The following IL34 variants were observed in gnomAD, a reference collection of about 807,000 sequenced individuals.
IL34 encodes the protein interleukin-34.
IL34 carries 17 observed loss-of-function variants against 25.3 expected under a neutral mutation model. That is an observed-to-expected ratio of 0.67 (90% CI 0.46 to 1.01). IL34 has a LOEUF of 1.01. IL34 is among the 50% of genes least tolerant of loss of function. The pLI, the probability that IL34 is intolerant of heterozygous loss-of-function variation, is 0.00. For missense variants in IL34, 368 were observed against 312.9 expected, an observed-to-expected ratio of 1.18 and a Z score of -1.33; for synonymous variants, 174 against 140.9, an observed-to-expected ratio of 1.23 and a Z score of -1.66.
At chr16:70,647,891 G>T (rs752501616) in intron 1 of IL34, among the ~76,000 whole-genome samples, 3 of 152,236 alleles carry the variant, frequency 2.0e-5, no homozygotes, top group Admixed American at 6.5e-5. Flanking sequence ...AGAAGCAGGG[G>T]TGCAGCATGG....
intron 1 of IL34, among the ~76,000 whole-genome samples, chr16:70,652,042 G>A (rs1030824469): frequency 6.6e-6 from 1 of 151,378 alleles, no homozygotes; most frequent in Non-Finnish European, 1.5e-5. Context: ...GCAGGAGAAT[G>A]GCATGAGCCC....
chr16:70,628,786 CTTT>C (rs71387533), intron 1 of IL34, among the ~76,000 whole-genome samples: 4 of 115,152 alleles, frequency 3.5e-5, no homozygotes, highest in Middle Eastern at 5.4e-3. Flanking sequence ...CACACCTGGT[CTTT>C]TTTTTTTTTT....
chr16:70,610,236 G>C (rs1473662357), intron 1 of IL34, among the ~76,000 whole-genome samples: 1 of 151,518 alleles, frequency 6.6e-6, no homozygotes, highest in East Asian at 1.9e-4. Context: ...GTTTTTCCAA[G>C]GTAGGAGCTG....
chr16:70,636,401 A>G (rs2051645840), intron 1 of IL34, among the ~76,000 whole-genome samples: 1 of 152,166 alleles, frequency 6.6e-6, no homozygotes, highest in South Asian at 2.1e-4. Flanking sequence ...ACTTAACCAC[A>G]TTTATTTAAA....
chr16:70,641,738 TG>T (rs1324196439), upstream of IL34, among the ~76,000 whole-genome samples: 1 of 151,936 alleles, frequency 6.6e-6, no homozygotes, highest in Non-Finnish European at 1.5e-5. Flanking sequence ...GGCTAATTTT[TG>T]TATTTTTTGT....
intron 1 of IL34, among the ~76,000 whole-genome samples, chr16:70,602,583 A>G (rs1488885551): frequency 5.2e-5 from 7 of 135,052 alleles, no homozygotes; most frequent in East Asian, 4.6e-4. Flanking sequence ...TTTGGAATTG[A>G]TGTGTGTGTG....
chr16:70,631,442 T>G (rs2051515458), intron 1 of IL34, among the ~76,000 whole-genome samples: 1 of 152,236 alleles, frequency 6.6e-6, no homozygotes, highest in African/African-American at 2.4e-5. Context: ...ATTCTTGTTT[T>G]TATTAACTTT....
At chr16:70,596,246 ACCT>A (rs1197330666) in intron 1 of IL34, among the ~76,000 whole-genome samples, 1 of 152,064 alleles carries the variant, frequency 6.6e-6, no homozygotes, top group African/African-American at 2.4e-5. Context: ...CACCATCACG[ACCT>A]CATCATCTTC....
At chr16:70,599,697 C>G (rs2050887783) in intron 1 of IL34, among the ~76,000 whole-genome samples, 1 of 142,756 alleles carries the variant, frequency 7.0e-6, no homozygotes, top group South Asian at 2.2e-4. Context: ...TTTTTGGAGA[C>G]AGGGTCTTGC....
rs986761082 is a variant in IL34, at chr16:70,656,571, G to C, written c.163-31G>C. On this transcript the variant is annotated intron_variant, in intron 2 of 5. Coordinates refer to ENST00000288098, the MANE Select transcript of IL34 (RefSeq NM_001393494.1). ...GAGCCTGCTGGTCATTTCTACTTCT[G>C]GCCTCATAGTTTGTTCTTGTGCCTC... The C allele has an allele frequency of 8.4e-6, 8 of 948,004 alleles. No individual in the cohort carries two copies. The African/African-American group carries it at 1.3e-4, about 15-fold the overall frequency. 58.7% of individuals were successfully genotyped at this position (948,004 alleles called of 1,614,324 possible). A position where few individuals can be genotyped will look rare whatever the true frequency, so the allele number is the denominator to read the frequency against.
chr16:70,606,465 G>A (rs1159832720), intron 1 of IL34, among the ~76,000 whole-genome samples: 2 of 152,062 alleles, frequency 1.3e-5, no homozygotes, highest in African/African-American at 4.8e-5. Flanking sequence ...ATTAATCACT[G>A]CCCAAATTCC....
At chr16:70,643,987 T>A (rs1007167551), upstream of IL34, among the ~76,000 whole-genome samples, 2 of 152,144 alleles carry the variant, frequency 1.3e-5, no homozygotes, top group African/African-American at 4.8e-5. Context: ...TTTTTTCTTT[T>A]GTTTTGAGAC....
intron 1 of IL34, among the ~76,000 whole-genome samples, chr16:70,652,324 G>T (rs965672074): frequency 1.3e-5 from 2 of 151,992 alleles, no homozygotes; most frequent in African/African-American, 4.8e-5. Context: ...GCTGGGTGTG[G>T]TGGTGGCACC....
chr16:70,592,003 A>T (rs914920863), intron 1 of IL34, among the ~76,000 whole-genome samples: 4 of 151,858 alleles, frequency 2.6e-5, no homozygotes, highest in African/African-American at 7.3e-5. Context: ...GTAGTGATGA[A>T]GAAGCTGCTT....
intron 1 of IL34, among the ~76,000 whole-genome samples, chr16:70,606,786 C>T (rs1399704766): frequency 6.6e-6 from 1 of 152,128 alleles, no homozygotes; most frequent in African/African-American, 2.4e-5. Context: ...CAAGGTCTCA[C>T]TATGTTGCCC....
At chr16:70,589,569 T>A (rs1488861055) in intron 1 of IL34, among the ~76,000 whole-genome samples, 3 of 152,178 alleles carry the variant, frequency 2.0e-5, no homozygotes, top group Non-Finnish European at 2.9e-5. Flanking sequence ...AGACATGATC[T>A]CATTCTTTTT....
chr16:70,621,810 G>A (rs2051288883), intron 1 of IL34, among the ~76,000 whole-genome samples: 1 of 152,026 alleles, frequency 6.6e-6, no homozygotes, highest in Admixed American at 6.6e-5. Flanking sequence ...GCAGGAGTGG[G>A]GGTCGCAAGG....
chr16:70,634,608 A>T (rs1316368935), intron 1 of IL34, among the ~76,000 whole-genome samples: 1 of 151,410 alleles, frequency 6.6e-6, no homozygotes, highest in East Asian at 1.9e-4. Context: ...TGAACCCAGG[A>T]GGCGGAGGTT....
chr16:70,640,420 T>A (rs369358687), intron 1 of IL34, among the ~76,000 whole-genome samples: 1 of 151,916 alleles, frequency 6.6e-6, no homozygotes, highest in East Asian at 1.9e-4. Context: ...GGCCAGGAGA[T>A]CAAGAGCAGC....
Sources: allele counts gnomAD v4.1 joint callset (sites outside exome capture counted in the v4.1 genomes callset), GRCh38; gene constraint gnomAD v4.1.1; transcripts MANE v1.5; gene names NCBI Gene and HGNC (gene_info 2026-07-23, HGNC 2026-07-21).